The following APOB variants were observed in gnomAD, a reference collection of about 807,000 sequenced individuals.
APOB encodes apolipoprotein B.
A neutral mutation model predicts 314.1 loss-of-function variants in APOB; 153 were observed. The observed-to-expected ratio is 0.49, with a 90% CI of 0.43 to 0.56. The LOEUF (loss-of-function observed/expected upper bound fraction) is 0.56, where lower values mean the gene tolerates loss of function less well. APOB is among the 20% of genes least tolerant of loss of function. The pLI is 0.00. For synonymous variants in APOB, 2,087 were observed against 2,036.4 expected, an observed-to-expected ratio of 1.02 and a Z score of -0.67; for missense variants, 5,430 against 5,350.7, an observed-to-expected ratio of 1.01 and a Z score of -0.46.
chr2:21,003,124 C>T lies in APOB; in HGVS notation c.12298G>A (p.Val4100Met), dbSNP rs1014293309. The T allele has an allele frequency of 4.4e-6, 7 of 1,605,826 alleles. No individual in the cohort carries two copies. Among genetic ancestry groups the T allele is most frequent in the South Asian group, 1.1e-5 (1 of 90,236 alleles). Residue 4100 changes from valine (V) to methionine (M), a missense_variant, in exon 29 of 29, where the codon GTG (valine) becomes ATG (methionine). Val to Met is a conservative substitution (Grantham distance 21). Around this residue, in one of 3 missense-constraint regions of APOB, gnomAD observed 3,281 missense variants for 3,171.0 expected, o/e 1.03. Transcript: ENST00000233242. ...AGATTTCTTCTCAGCTTTGAAGACA[C>T]TTCTCTCAGGGTGAGCCCTGTGTGT... ...WEHTGLTLREVSSKLRRNLQN... is the reference protein window; with the variant it reads ...WEHTGLTLREMSSKLRRNLQN...
chr2:21,031,655 C>A (rs1663882197), intron 10 of APOB, among the ~76,000 whole-genome samples: 1 of 152,108 alleles, frequency 6.6e-6, no homozygotes, highest in African/African-American at 2.4e-5. Context: ...AACCTGCTAG[C>A]CTGAGCAACA....
rs1558561978 is a variant in APOB at position 21,007,297 on chromosome 2, C to A, written c.9571G>T (p.Ala3191Ser). 1.4e-5 allele frequency: 23 copies of A among 1,613,796 alleles called. No homozygotes were observed. Among genetic ancestry groups the A allele is most frequent in the Non-Finnish European group, 1.9e-5 (22 of 1,179,884 alleles). ...TGACTGATAAACTCACAAAGCACAG[C>A]CAAAGGATTTGTGATGGAATGCCTG... The part of the protein sequence containing the change: ...KHRHSITNPL[A>S]VLCEFISQSI... Residue 3191 changes from alanine (A) to serine (S), a missense_variant, in exon 26 of 29, where the codon GCT becomes TCT. Ala to Ser is a moderately conservative substitution (Grantham distance 99, BLOSUM62 1). This residue lies in a region of APOB where 3,281 missense variants were observed against 3,171.0 expected (regional missense o/e 1.03). Coordinates refer to ENST00000233242, the MANE Select transcript of APOB (RefSeq NM_000384.3).
In APOB at chr2:21,003,303, T is replaced by C. The variant is rs762014899; in HGVS notation, c.12119A>G (p.Lys4040Arg). ...SSPDKKLTIF[K>R]TELRVRESDE... ...AGATTCCCGGACCCTCAACTCAGTT[T>C]TGAATATGGTGAGTTTTTTATCTGG... is the stretch of plus-strand genomic sequence containing the variant. Residue 4040 changes from lysine (K) to arginine (R), a missense_variant, in exon 29 of 29, where the codon AAA becomes AGA. Physicochemically the swap from Lys to Arg is conservative, Grantham distance 26. Around this residue, in one of 3 missense-constraint regions of APOB, gnomAD observed 3,281 missense variants for 3,171.0 expected, o/e 1.03. Transcript: ENST00000233242. 1.1e-5 allele frequency: 17 copies of C among 1,613,614 alleles called. No homozygotes were observed. The highest frequency in any genetic ancestry group is 1.4e-5 in the Non-Finnish European group (17 of 1,179,922).
intron 18 of APOB, among the ~76,000 whole-genome samples, chr2:21,020,791 G>A (rs888761438): frequency 5.3e-5 from 8 of 152,232 alleles, no homozygotes; most frequent in Admixed American, 1.3e-4. Flanking sequence ...ATGTGCTGGA[G>A]TCCTAATGCC....
At position 21,002,397 on chromosome 2, in the gene APOB, G is replaced by A. The variant is rs1478038018; in HGVS notation, c.13025C>T (p.Pro4342Leu). 2.5e-6 allele frequency: 4 copies of A among 1,600,804 alleles called. No homozygotes were observed. In the Admixed American group the frequency reaches 5.1e-5, roughly 21 times the overall value. The change falls in exon 29 of 29, where the codon CCA becomes CTA. Residue 4342 changes from proline to leucine, a missense_variant. By Grantham distance (98) the Pro-to-Leu change is moderately conservative (BLOSUM62 -3). This residue lies in a region of APOB where 3,281 missense variants were observed against 3,171.0 expected (regional missense o/e 1.03). Coordinates refer to ENST00000233242, the MANE Select transcript of APOB (RefSeq NM_000384.3). ...TTCTTTCAACAATTTAAAAACATAT[G>A]GGATATAATCACTGAAGATTGTGTT... ...EINTIFSDYI[P>L]YVFKLLKENL... is the part of the protein sequence containing the mutation.
chr2:21,031,579 C>T (rs1663880671), intron 10 of APOB, among the ~76,000 whole-genome samples: 1 of 152,186 alleles, frequency 6.6e-6, no homozygotes, highest in Admixed American at 6.5e-5. Context: ...CAAAATTACA[C>T]TTGTTCCACA....
rs756624101 is a variant in APOB, at chr2:21,023,572, C to T, written c.2557G>A (p.Val853Ile). ...GLQLQISSSG[V>I]IAPGAKAGVK... ...CCAGCCTTGGCTCCGGGAGCAATGA[C>T]TCCAGATGAAGATATTTGCAACTGT... The change falls in exon 17 of 29, where the codon GTC becomes ATC. Residue 853 changes from valine (V) to isoleucine (I), a missense_variant. By Grantham distance (29) the Val-to-Ile change is conservative. Coordinates refer to ENST00000233242, the MANE Select transcript of APOB (RefSeq NM_000384.3). 1.9e-6 allele frequency: 3 copies of T among 1,614,190 alleles called. No individual in the cohort carries two copies. Among genetic ancestry groups the T allele is most frequent in the Non-Finnish European group, 1.7e-6 (2 of 1,180,024 alleles).
chr2:21,011,183 G>C lies in APOB; in HGVS notation c.5685C>G (p.Val1895=). ...TAAACGGGGCCATTACAGAACGGAA[G>C]ACATTGCTGAAATGCAGTGAGTCTG... ...YNSDSLHFSN[V]FRSVMAPFTM... is the part of the protein sequence containing the mutation. Residue 1895 remains valine, a synonymous_variant, in exon 26 of 29, where the codon GTC becomes GTG. Transcript: ENST00000233242. 6.2e-7 allele frequency: 1 copy of C among 1,614,220 alleles called. No homozygotes were observed.
chr2:21,037,459 G>A (rs1472686887), intron 5 of APOB, among the ~76,000 whole-genome samples: 1 of 152,164 alleles, frequency 6.6e-6, no homozygotes, highest in Non-Finnish European at 1.5e-5. Flanking sequence ...TTAAAGGTGG[G>A]TCTGCAGAAA....
At chr2:21,041,204 C>T in intron 3 of APOB, 121 bp from the exon 4 acceptor site, 4 of 1,034,162 alleles carry the variant, frequency 3.9e-6, no homozygotes, top group Non-Finnish European at 5.8e-6. Context: ...AACACCACTG[C>T]CTGCGCCTCA....
At position 21,005,774 on chromosome 2, in the gene APOB, C is replaced by T. The variant is rs754109732; in HGVS notation, c.11094G>A (p.Arg3698=). The T allele has an allele frequency of 1.9e-6, 3 of 1,613,854 alleles. No individual in the cohort carries two copies. The highest frequency in any genetic ancestry group is 1.3e-5 in the African/African-American group (1 of 74,894). ...LKLDVTTSIG[R]RQHLRVSTAF... ...CAGTTGAAACACGAAGATGCTGTCTCCTACCAATGCTGGTGGTTACATCCA... is the reference window on the plus strand; with the variant it reads ...CAGTTGAAACACGAAGATGCTGTCTTCTACCAATGCTGGTGGTTACATCCA... The change falls in exon 26 of 29, where the codon AGG becomes AGA. Residue 3698 remains arginine, a synonymous_variant. Coordinates refer to ENST00000233242, the MANE Select transcript of APOB (RefSeq NM_000384.3).
chr2:21,008,450 A>G lies in APOB; in HGVS notation c.8418T>C (p.Phe2806=). 1 of 1,614,128 alleles carries G rather than the reference A, an allele frequency of 6.2e-7. No individual in the cohort carries two copies. Among genetic ancestry groups the G allele is most frequent in the Non-Finnish European group, 8.5e-7 (1 of 1,179,982 alleles). ...KGESKLEVLN[F]DFQANAQLSN... is the part of the protein sequence containing the mutation. ...AGAGTTGTGCATTTGCTTGAAAATC[A>G]AAATTGAGAACTTCTAATTTGGACT... Residue 2806 remains phenylalanine, a synonymous_variant, in exon 26 of 29, where the codon TTT becomes TTC. Coordinates refer to ENST00000233242, the MANE Select transcript of APOB (RefSeq NM_000384.3).
intron 10 of APOB, among the ~76,000 whole-genome samples, chr2:21,030,390 G>T (rs1663843769): frequency 1.3e-5 from 2 of 152,180 alleles, no homozygotes; most frequent in Admixed American, 6.5e-5. Context: ...GGGAAAGATG[G>T]ATTGCCATAT....
At chr2:21,016,779 T>C in intron 20 of APOB, 130 bp from the exon 21 acceptor site, 1 of 704,360 alleles carries the variant, frequency 1.4e-6, no homozygotes, top group Admixed American at 2.0e-5. Flanking sequence ...GGTCAGGAGA[T>C]CAAGACCATT....
rs1385907595 is a variant in APOB, at chr2:21,015,498, G to A, written c.3380C>T (p.Pro1127Leu). ...ACTTCTGGCTTCTGCTTGCAAACGG[G>A]GTATGGAAATAACACCCTTGATTTT... ...ERKIKGVISI[P>L]RLQAEARSEI... is the part of the protein sequence containing the mutation. The change falls in exon 22 of 29, where the codon CCC becomes CTC. Residue 1127 changes from proline to leucine, a missense_variant. Physicochemically the swap from Pro to Leu is moderately conservative, Grantham distance 98 (BLOSUM62 -3). Transcript: ENST00000233242. The A allele has an allele frequency of 2.5e-6, 4 of 1,613,866 alleles. No homozygotes were observed. Among genetic ancestry groups the A allele is most frequent in the Admixed American group, 1.7e-5 (1 of 60,004 alleles).
chr2:21,038,105 C>A lies in APOB; in HGVS notation c.390G>T (p.Glu130Asp). 1 of 1,614,016 alleles carries A rather than the reference C, an allele frequency of 6.2e-7. No homozygotes were observed. ...TCCCTTCTGGAATGGCCAGCTTGAG[C>A]TCATACCTGTCCCAGAGAGAGGATG... ...EEFAAAMSRY[E>D]LKLAIPEGKQ... The change falls in exon 5 of 29, where the codon GAG becomes GAT. Residue 130 changes from glutamate (E) to aspartate (D), a missense_variant. Coordinates refer to ENST00000233242, the MANE Select transcript of APOB (RefSeq NM_000384.3).
chr2:21,031,376 A>G (rs1663875590), intron 10 of APOB, among the ~76,000 whole-genome samples: 3 of 152,220 alleles, frequency 2.0e-5, no homozygotes, highest in Admixed American at 2.0e-4. Context: ...GCGTGTTGTC[A>G]TTTATAAGTG....
At chr2:21,025,261 G>T in intron 15 of APOB, 137 bp from the exon 16 acceptor site, 1 of 806,492 alleles carries the variant, frequency 1.2e-6, no homozygotes, top group Non-Finnish European at 2.1e-6. Context: ...AGACACTGAA[G>T]TCCAGGCTAA....
At chr2:21,020,561 C>T (rs934260464) in intron 18 of APOB, among the ~76,000 whole-genome samples, 2 of 152,206 alleles carry the variant, frequency 1.3e-5, no homozygotes, top group African/African-American at 4.8e-5. Context: ...AGAAGCCTTC[C>T]ATAGAGTTGC....
Sources: gnomAD v4.1 joint callset for allele counts (sites outside exome capture counted in the v4.1 genomes callset) on GRCh38, gnomAD v4.1.1 for gene constraint, gnomAD v4.1.1 regional missense constraint, MANE v1.5 for transcripts, NCBI Gene and HGNC (gene_info 2026-07-23, HGNC 2026-07-21) for gene names.